The following MRAP variants were observed in gnomAD, a reference collection of about 807,000 sequenced individuals.
MRAP encodes the protein melanocortin-2 receptor accessory protein.
A neutral mutation model predicts 8.7 loss-of-function variants in MRAP; 8 were observed. That is an observed-to-expected ratio of 0.92 (90% confidence interval 0.54 to 1.66). The LOEUF is 1.66. Among genes scored for constraint, MRAP ranks in the 40% most tolerant of loss-of-function variants. MRAP has a pLI of 0.00. For missense variants in MRAP, 237 were observed against 217.1 expected, an observed-to-expected ratio of 1.09 and a Z score of -0.58; for synonymous variants, 95 against 95.5, an observed-to-expected ratio of 1.00 and a Z score of 0.03.
chr21:32,302,597 G>A (rs1287769035), intron 1 of MRAP, among the ~76,000 whole-genome samples: 1 of 152,202 alleles, frequency 6.6e-6, no homozygotes, highest in Admixed American at 6.5e-5. Context: ...TGGCTCCATG[G>A]AGTCCTTAGG....
Position 32,300,902 on chromosome 21 carries a change from GCGT to G in MRAP, c.106+1827_106+1829del, listed in dbSNP as rs113822659. ...CGGGTGTCATGCATCCTATGTCGGGGCGTCATGTGTCTATGTGTCATGATATAT... is the reference window on the plus strand; with the variant it reads ...CGGGTGTCATGCATCCTATGTCGGGGCATGTGTCTATGTGTCATGATATAT... On this transcript the variant is annotated intron_variant, in intron 1 of 2. Coordinates refer to ENST00000303645, the MANE Select transcript of MRAP (RefSeq NM_001379228.1). 7.9e-3 allele frequency among the ~76,000 whole-genome samples: 1,194 copies of G among 151,940 alleles called. 14 individuals carry two copies. Among genetic ancestry groups the G allele is most frequent in the African/African-American group, 0.028 (1,152 of 41,322 alleles).
rs143345630 is a variant in MRAP, at chr21:32,299,605, A to G, written c.106+528A>G. Among the ~76,000 whole-genome samples, 836 of 152,296 alleles carry G rather than the reference A, an allele frequency of 5.5e-3. 13 individuals carry two copies. The highest frequency in any genetic ancestry group is 0.019 in the African/African-American group (793 of 41,564). ...CTCGGCTTCCCAAAGTGCTGGGATTACAGGTGTGAGCCACCGTGCCTGGCG... is the reference window on the plus strand; with the variant it reads ...CTCGGCTTCCCAAAGTGCTGGGATTGCAGGTGTGAGCCACCGTGCCTGGCG... On this transcript the variant is annotated intron_variant, in intron 1 of 2. Coordinates refer to ENST00000303645, the MANE Select transcript of MRAP (RefSeq NM_001379228.1).
At chr21:32,312,969 C>T (rs2236611), downstream of MRAP, 82,929 of 152,090 alleles carry the variant, frequency 0.55, 27,605 homozygotes, top group Non-Finnish European at 0.75. Context: ...GGAAAATACA[C>T]GAACAAGGTC....
rs181697788 is a variant in MRAP, at chr21:32,310,400, T to A, written c.207-1284T>A. Among the ~76,000 whole-genome samples the A allele has an allele frequency of 2.5e-3, 375 of 152,290 alleles. 2 individuals carry two copies. The highest frequency in any genetic ancestry group is 3.9e-3 in the Non-Finnish European group (263 of 68,016). On this transcript the variant is annotated intron_variant, in intron 2 of 2. Transcript: ENST00000303645. ...CTTAGGCGAGTGCCATCTGAAAGCA[T>A]GGCCTCTGCCCAGTGGGTTCATCAC...
chr21:32,313,071 C>G (rs1387457068), downstream of MRAP: 2 of 152,190 alleles, frequency 1.3e-5, no homozygotes, highest in Non-Finnish European at 1.5e-5. Flanking sequence ...AAAATGTGTC[C>G]TCACTTGACT....
chr21:32,296,122 T>A (rs2032134613), upstream of MRAP, among the ~76,000 whole-genome samples: 1 of 152,230 alleles, frequency 6.6e-6, no homozygotes, highest in Admixed American at 6.5e-5. Flanking sequence ...ATCTCCTCCC[T>A]GTGTCTTCAC....
chr21:32,308,551 A>C (rs1206114663), intron 2 of MRAP: 1 of 152,584 alleles, frequency 6.6e-6, no homozygotes, highest in African/African-American at 2.4e-5. Context: ...GTGCTAGAGG[A>C]TTGGCTGACA....
downstream of MRAP, chr21:32,312,910 C>T (rs1005517921): frequency 2.6e-5 from 4 of 152,140 alleles, no homozygotes; most frequent in Admixed American, 2.0e-4. Context: ...AGACCATGTT[C>T]GATCTATTCT....
chr21:32,304,965 GTTTTTTTTTTT>G (rs537525538), intron 1 of MRAP, among the ~76,000 whole-genome samples: 3,352 of 78,284 alleles, frequency 0.043, 171 homozygotes, highest in African/African-American at 0.15. Context: ...TTTTTTTGTT[GTTTTTTTTTTT>G]TTTTTTTTTT....
chr21:32,294,669 G>A (rs2032108305), upstream of MRAP, among the ~76,000 whole-genome samples: 4 of 151,784 alleles, frequency 2.6e-5, no homozygotes, highest in South Asian at 2.1e-4. Context: ...AATCACTTTC[G>A]ATAAACAAAT....
chr21:32,299,124 G>T, intron 1 of MRAP, 47 bp downstream of exon 1: 1 of 1,492,302 alleles, frequency 6.7e-7, no homozygotes, highest in South Asian at 1.1e-5. Flanking sequence ...TGGGGGCCGG[G>T]GCCCAAATGA....
chr21:32,300,211 A>C (rs78356389), intron 1 of MRAP, among the ~76,000 whole-genome samples: 1,716 of 152,304 alleles, frequency 0.011, 43 homozygotes, highest in East Asian at 0.086. Flanking sequence ...ACACAGTGAG[A>C]TCCCATCTCC....
chr21:32,314,519 T>C (rs757892299), downstream of MRAP: 1 of 1,590,334 alleles, frequency 6.3e-7, no homozygotes, highest in Non-Finnish European at 8.6e-7. Context: ...TTCGTTTTCA[T>C]AAAAAAAATC....
In MRAP at chr21:32,311,770, G is replaced by C. The variant is rs780029065; in HGVS notation, c.293G>C (p.Arg98Thr). ...ATCCAGAAGTGCCTGCCGTGCCACA[G>C]GGAACCCCTGGCAACCTCACAGGCT... is the stretch of plus-strand genomic sequence containing the variant. ...LCIQKCLPCH[R>T]EPLATSQAQA... Residue 98 changes from arginine to threonine, a missense_variant, in exon 3 of 3, where the codon AGG (arginine) becomes ACG (threonine). Arg to Thr is a moderately conservative substitution (Grantham distance 71, BLOSUM62 -1). Coordinates refer to ENST00000303645, the MANE Select transcript of MRAP (RefSeq NM_001379228.1). The C allele has an allele frequency of 1.2e-5, 20 of 1,614,138 alleles. No homozygotes were observed. In the South Asian group the frequency reaches 2.1e-4, roughly 17 times the overall value.
chr21:32,294,597 T>C (rs541743654), upstream of MRAP, among the ~76,000 whole-genome samples: 3 of 152,200 alleles, frequency 2.0e-5, no homozygotes, highest in Non-Finnish European at 4.4e-5. Context: ...ATAAATTCCT[T>C]AGTAGATATA....
upstream of MRAP, among the ~76,000 whole-genome samples, chr21:32,297,839 G>A (rs986247938): frequency 6.6e-6 from 1 of 152,092 alleles, no homozygotes; most frequent in Non-Finnish European, 1.5e-5. Context: ...TCCCCTTCTG[G>A]TCAACTGAAC....
At chr21:32,297,607 T>C (rs572708333), upstream of MRAP, among the ~76,000 whole-genome samples, 1 of 152,242 alleles carries the variant, frequency 6.6e-6, no homozygotes, top group Non-Finnish European at 1.5e-5. Flanking sequence ...CTGTTTGACC[T>C]GAGTTCTGTG....
At chr21:32,293,488 G>GT (rs1295074929) in intron 2 of MRAP, among the ~76,000 whole-genome samples, 2 of 152,188 alleles carry the variant, frequency 1.3e-5, no homozygotes, top group East Asian at 3.8e-4. Context: ...GGAGACGGCT[G>GT]TATCTGGCTG....
chr21:32,299,105 G>T, intron 1 of MRAP, 28 bp downstream of exon 1: 1 of 1,590,916 alleles, frequency 6.3e-7, no homozygotes, highest in South Asian at 1.1e-5. Flanking sequence ...AAGCCGGTCA[G>T]ACAGAGGCTG....
Sources: gnomAD v4.1 joint callset for allele counts (sites outside exome capture counted in the v4.1 genomes callset) on GRCh38, gnomAD v4.1.1 for gene constraint, MANE v1.5 for transcripts, NCBI Gene and HGNC (gene_info 2026-07-23, HGNC 2026-07-21) for gene names.